Variants in PCNT observed in about 807,000 individuals in gnomAD.
PCNT encodes the protein kendrin.
A neutral mutation model predicts 380.4 loss-of-function variants in PCNT; 319 were observed. The observed-to-expected ratio is 0.84, with a 90% CI of 0.77 to 0.92. The LOEUF (loss-of-function observed/expected upper bound fraction) is 0.92. Ranked by LOEUF, PCNT falls within the 40% of genes least tolerant of loss-of-function variation. PCNT has a pLI of 0.00. For synonymous variants in PCNT, 1,845 were observed against 1,735.2 expected, an observed-to-expected ratio of 1.06 and a Z score of -1.57; for missense variants, 4,400 against 4,255.3, an observed-to-expected ratio of 1.03 and a Z score of -0.95.
chr21:46,420,051 C>T (rs1449773861), intron 31 of PCNT, among the ~76,000 whole-genome samples: 3 of 152,168 alleles, frequency 2.0e-5, no homozygotes, highest in South Asian at 2.1e-4. Context: ...GAAGGTATCG[C>T]GTGCCTGTCC....
At chr21:46,385,052 C>T (rs1445558841) in intron 16 of PCNT, among the ~76,000 whole-genome samples, 1 of 152,208 alleles carries the variant, frequency 6.6e-6, no homozygotes, top group East Asian at 1.9e-4. Context: ...CCCCATTAGA[C>T]TCTCACTCCC....
chr21:46,403,634 G>A (rs1456606564), intron 27 of PCNT, among the ~76,000 whole-genome samples: 36 of 138,850 alleles, frequency 2.6e-4, no homozygotes, highest in Admixed American at 2.0e-3. Flanking sequence ...TGGTGCCCAC[G>A]TGGCACATGC....
intron 44 of PCNT, chr21:46,442,939 A>C: frequency 1.6e-5 from 5 of 304,252 alleles, no homozygotes; most frequent in Admixed American, 4.7e-5. Flanking sequence ...GCTCACTCAC[A>C]TCTTTGTCTC....
At chr21:46,413,571 C>A (rs962609339) in intron 29 of PCNT, among the ~76,000 whole-genome samples, 1 of 152,224 alleles carries the variant, frequency 6.6e-6, no homozygotes, top group Admixed American at 6.5e-5. Flanking sequence ...TAGAAACAAT[C>A]AGTTGGGTTT....
chr21:46,338,194 C>G (rs1218272278), intron 3 of PCNT, among the ~76,000 whole-genome samples: 2 of 152,044 alleles, frequency 1.3e-5, no homozygotes. Context: ...TTGCATGCTT[C>G]TAAGTTCATT....
chr21:46,395,439 A>G (rs992499624), intron 21 of PCNT, among the ~76,000 whole-genome samples: 2 of 149,656 alleles, frequency 1.3e-5, no homozygotes, highest in African/African-American at 4.9e-5. Flanking sequence ...TAGTAATAAA[A>G]TAGAGACTTC....
intron 10 of PCNT, among the ~76,000 whole-genome samples, chr21:46,353,715 G>C (rs2084360966): frequency 7.8e-6 from 1 of 128,962 alleles, no homozygotes; most frequent in Non-Finnish European, 1.7e-5. Context: ...CTCTCCTCCA[G>C]GTGTGTGTGT....
At chr21:46,436,880 A>T in intron 39 of PCNT, 99 bp from the exon 40 acceptor site, 1 of 897,850 alleles carries the variant, frequency 1.1e-6, no homozygotes, top group Non-Finnish European at 1.8e-6. Context: ...CTCCTCAGAA[A>T]CCTGTCTTGT....
At chr21:46,337,634 G>T (rs1373554436) in intron 3 of PCNT, among the ~76,000 whole-genome samples, 1 of 152,218 alleles carries the variant, frequency 6.6e-6, no homozygotes, top group African/African-American at 2.4e-5. Flanking sequence ...CCAGGCTGGA[G>T]TGCAGTGGCG....
intron 27 of PCNT, 123 bp from the exon 28 acceptor site, chr21:46,411,066 C>CT: frequency 9.4e-7 from 1 of 1,059,584 alleles, no homozygotes; most frequent in South Asian, 1.3e-5. Context: ...TCTATGGCTG[C>CT]TTTGTTTTTC....
At chr21:46,349,919 T>A in intron 8 of PCNT, 99 bp downstream of exon 8, 1 of 1,199,282 alleles carries the variant, frequency 8.3e-7, no homozygotes, top group Non-Finnish European at 1.2e-6. Flanking sequence ...TGCTAAAACT[T>A]AAGTTCTAAA....
intron 9 of PCNT, 37 bp from the exon 10 acceptor site, chr21:46,353,067 C>T: frequency 6.4e-7 from 1 of 1,560,466 alleles, no homozygotes; most frequent in East Asian, 2.2e-5. Flanking sequence ...GTGGGTGTCC[C>T]ATTTTAAGAC....
Position 46,389,192 on chromosome 21 carries a change from C to T in PCNT, c.3608-7C>T, listed in dbSNP as rs769587697. 2 of 1,613,464 alleles carry T rather than the reference C, an allele frequency of 1.2e-6. No individual in the cohort carries two copies. Among genetic ancestry groups the T allele is most frequent in the Admixed American group, 1.7e-5 (1 of 60,022 alleles). On this transcript the variant is annotated splice_region_variant and splice_polypyrimidine_tract_variant and intron_variant, in intron 18 of 46. Transcript: ENST00000359568. Reference sequence around the variant, plus strand: ...GCCGCGTGTGCCGGCATCTGCTCATCTTGTAGCTCCGGCGCTGGAGGAGAC... The same window carrying T: ...GCCGCGTGTGCCGGCATCTGCTCATTTTGTAGCTCCGGCGCTGGAGGAGAC...
chr21:46,442,522 CAAG>C lies in PCNT; in HGVS notation c.9653_9655del (p.Glu3218del). The C allele has an allele frequency of 6.2e-7, 1 of 1,611,824 alleles. No homozygotes were observed. Among genetic ancestry groups the C allele is most frequent in the South Asian group, 1.1e-5 (1 of 91,032 alleles). On this transcript the variant is annotated inframe_deletion, in exon 44 of 47. Coordinates refer to ENST00000359568, the MANE Select transcript of PCNT (RefSeq NM_006031.6). Reference sequence around the variant, plus strand: ...ATTACGTTTTTTGGTTAAGAAATGGCAAGAAGTAGATCGGAAAGGAGCTCTGGC... The same window carrying C: ...ATTACGTTTTTTGGTTAAGAAATGGCAAGTAGATCGGAAAGGAGCTCTGGC...
chr21:46,435,684 A>G (rs530156897), intron 38 of PCNT, among the ~76,000 whole-genome samples: 14 of 152,058 alleles, frequency 9.2e-5, no homozygotes, highest in African/African-American at 3.4e-4. Context: ...CTGGGACTAC[A>G]GGCGCCCGCC....
intron 33 of PCNT, 136 bp downstream of exon 33, chr21:46,426,107 TCACTGCAACCTC>T: frequency 1.3e-6 from 1 of 796,926 alleles, no homozygotes; most frequent in South Asian, 1.9e-5. Flanking sequence ...GAGACTCGGC[TCACTGCAACCTC>T]CACCACCCCG....
At chr21:46,430,877 G>A (rs1054726747) in intron 37 of PCNT, 5 of 985,254 alleles carry the variant, frequency 5.1e-6, no homozygotes, top group South Asian at 9.4e-5. Flanking sequence ...GTGGTGGCAC[G>A]ATACCCCTGC....
In PCNT at chr21:46,383,232, G is replaced by A. The variant is rs142165894; in HGVS notation, c.3312+1392G>A. Among the ~76,000 whole-genome samples the A allele has an allele frequency of 5.9e-3, 865 of 146,602 alleles. 35 individuals are homozygous for A. Among genetic ancestry groups the A allele is most frequent in the African/African-American group, 0.015 (617 of 39,918 alleles). Reference sequence around the variant, plus strand: ...ATGTTGTATATTCAGTGGCGGAAGCGCATTCACAGTGTTGTATATTCAGTG... The same window carrying A: ...ATGTTGTATATTCAGTGGCGGAAGCACATTCACAGTGTTGTATATTCAGTG... On this transcript the variant is annotated intron_variant, in intron 16 of 46. Transcript: ENST00000359568.
intron 5 of PCNT, 133 bp downstream of exon 5, chr21:46,347,131 G>GACACCAGGCAA: frequency 8.6e-7 from 1 of 1,164,464 alleles, no homozygotes; most frequent in African/African-American, 1.5e-5. Flanking sequence ...CACCTTGCCT[G>GACACCAGGCAA]GTGTCTGGCA....
Sources: gnomAD v4.1 joint callset for allele counts (sites outside exome capture counted in the v4.1 genomes callset) on GRCh38, gnomAD v4.1.1 for gene constraint, MANE v1.5 for transcripts, NCBI Gene and HGNC (gene_info 2026-07-23, HGNC 2026-07-21) for gene names.